The following ETFDH variants were observed in gnomAD, a reference collection of about 807,000 sequenced individuals.
The protein encoded by ETFDH is electron transfer flavoprotein-ubiquinone oxidoreductase, mitochondrial.
Under a neutral mutation model 73.2 loss-of-function variants are expected in ETFDH, and 61 were observed. The observed-to-expected ratio is 0.83, with a 90% confidence interval of 0.68 to 1.03. The LOEUF is 1.03. ETFDH is among the 50% of genes least tolerant of loss of function. The probability of loss-of-function intolerance (pLI) is 0.00; values close to 1 mark genes in which losing one functional copy is unlikely to be tolerated. For synonymous variants in ETFDH, 243 were observed against 253.3 expected (o/e 0.96, Z 0.39); for missense variants, 685 against 745.0 (o/e 0.92, Z 0.94).
intron 1 of ETFDH, among the ~76,000 whole-genome samples, chr4:158,677,974 C>CT (rs1773753539): frequency 6.6e-6 from 1 of 152,156 alleles, no homozygotes; most frequent in African/African-American, 2.4e-5. Flanking sequence ...AGGGTTTGAT[C>CT]TTTCTTGAGT....
At chr4:158,692,887 A>T (rs1471250973) in intron 6 of ETFDH, among the ~76,000 whole-genome samples, 1 of 89,398 alleles carries the variant, frequency 1.1e-5, no homozygotes, top group Non-Finnish European at 2.7e-5. Context: ...AAAAAAAAAA[A>T]AACATATATA....
At chr4:158,694,904 C>T (rs564696713) in intron 6 of ETFDH, among the ~76,000 whole-genome samples, 4 of 152,246 alleles carry the variant, frequency 2.6e-5, no homozygotes, top group African/African-American at 9.6e-5. Flanking sequence ...TAGACTGGCT[C>T]CATGACCCTC....
chr4:158,681,592 C>T (rs192891827), intron 2 of ETFDH: 288 of 153,140 alleles, frequency 1.9e-3, no homozygotes, highest in Non-Finnish European at 3.2e-3. Context: ...GAACAGCTTC[C>T]AGTCCTGTAA....
intron 4 of ETFDH, 86 bp downstream of exon 4, chr4:158,684,759 C>T (rs1216772188): frequency 1.2e-6 from 1 of 832,640 alleles, no homozygotes. Flanking sequence ...CCTCCTTTTA[C>T]AGACAAGAAC....
intron 1 of ETFDH, among the ~76,000 whole-genome samples, chr4:158,678,653 C>CTTTT (rs11438999): frequency 7.1e-6 from 1 of 140,318 alleles, no homozygotes; most frequent in Non-Finnish European, 1.5e-5. Context: ...ATATCACCAT[C>CTTTT]TTTTTTTTTT....
At chr4:158,701,566 C>A (rs1774463119) in intron 9 of ETFDH, among the ~76,000 whole-genome samples, 1 of 152,218 alleles carries the variant, frequency 6.6e-6, no homozygotes, top group African/African-American at 2.4e-5. Flanking sequence ...ACTATTCCCT[C>A]ACAGAATTGT....
In ETFDH at chr4:158,706,574, G is replaced by T. The variant is rs1005695473; in HGVS notation, c.1469-55G>T. 111 of 1,453,420 alleles carry T rather than the reference G, an allele frequency of 7.6e-5. No individual in the cohort carries two copies. The African/African-American group carries it at 1.3e-3, about 18-fold the overall frequency. The allele number at this position is 1,453,420 out of a possible 1,614,324, so 90.0% of individuals were successfully genotyped here. A position where few individuals can be genotyped will look rare whatever the true frequency, so the allele number is the denominator to read the frequency against. On this transcript the variant is annotated intron_variant, in intron 11 of 12. Transcript: ENST00000511912. ...GAAGTTTTTATACAAATAGGCTTAA[G>T]AAAAAGTACTTCAAAATCATATTTT...
chr4:158,685,073 G>C (rs1234131429), intron 4 of ETFDH, 28 bp from the exon 5 acceptor site: 1 of 1,303,576 alleles, frequency 7.7e-7, no homozygotes. Flanking sequence ...TAAAAAGTCA[G>C]ATTTATAAAT....
In ETFDH at chr4:158,701,393, G is replaced by C. The variant is rs190092011; in HGVS notation, c.1117-2030G>C. Among the ~76,000 whole-genome samples, 3 of 152,274 alleles carry C rather than the reference G, an allele frequency of 2.0e-5. No homozygotes were observed. The East Asian group carries it at 5.8e-4, about 29-fold the overall frequency. On this transcript the variant is annotated intron_variant, in intron 9 of 12. Transcript: ENST00000511912. ...GCACCTCCTCCCCATTGTCTGCTCT[G>C]TGGTCCTGATTTAATGCTCTTTTAT...
intron 9 of ETFDH, 45 bp from the exon 10 acceptor site, chr4:158,703,378 T>C (rs769739000): frequency 1.5e-6 from 2 of 1,366,070 alleles, no homozygotes; most frequent in Middle Eastern, 1.8e-4. Flanking sequence ...GTTGTTCTTG[T>C]TTAATATGAA....
At chr4:158,706,594 T>G in intron 11 of ETFDH, 35 bp from the exon 12 acceptor site, 1 of 1,537,796 alleles carries the variant, frequency 6.5e-7, no homozygotes, top group Non-Finnish European at 9.0e-7. Context: ...TTCAAAATCA[T>G]ATTTTGTTAA....
chr4:158,696,032 G>A (rs895019000), intron 7 of ETFDH, among the ~76,000 whole-genome samples: 21 of 152,060 alleles, frequency 1.4e-4, no homozygotes, highest in African/African-American at 4.8e-4. Context: ...ATTGTAATGT[G>A]AAGTTAATTT....
At chr4:158,695,412 A>G in intron 6 of ETFDH, 85 bp from the exon 7 acceptor site, 1 of 1,048,914 alleles carries the variant, frequency 9.5e-7, no homozygotes, top group Non-Finnish European at 1.5e-6. Context: ...CTACATCTGA[A>G]TCATAGTTCA....
chr4:158,685,011 A>G, intron 4 of ETFDH, 90 bp from the exon 5 acceptor site: 2 of 796,594 alleles, frequency 2.5e-6, no homozygotes, highest in Non-Finnish European at 4.3e-6. Context: ...ATGTAGAAAT[A>G]CATATTGATT....
chr4:158,681,761 T>C, intron 2 of ETFDH: 1 of 230,272 alleles, frequency 4.3e-6, no homozygotes, highest in Non-Finnish European at 8.6e-6. Context: ...GCTATATAGC[T>C]TTGTAGCCTA....
At chr4:158,681,615 G>A (rs1233990260) in intron 2 of ETFDH, 1 of 153,506 alleles carries the variant, frequency 6.5e-6, no homozygotes, top group Non-Finnish European at 1.4e-5. Context: ...TCTATTCATG[G>A]TAAGTACCCT....
In ETFDH at chr4:158,706,815, T is replaced by C. The variant is rs1034902170; in HGVS notation, c.1655T>C (p.Ile552Thr). 1 of 1,613,096 alleles carries C rather than the reference T, an allele frequency of 6.2e-7. No individual in the cohort carries two copies. Among genetic ancestry groups the C allele is most frequent in the South Asian group, 1.1e-5 (1 of 91,074 alleles). ...ATACCTGTAAATAGAAATCTGTCGA[T>C]ATATGATGGGCCCGAGCAGCGATTC... ...DSIPVNRNLSIYDGPEQRFCP... is the reference protein window; with the variant it reads ...DSIPVNRNLSTYDGPEQRFCP... Residue 552 changes from isoleucine to threonine, a missense_variant, in exon 12 of 13, where the codon ATA becomes ACA. Ile to Thr is a moderately conservative substitution (Grantham distance 89). This residue lies in a region of ETFDH where 201 missense variants were observed against 225.2 expected (regional missense o/e 0.89). Transcript: ENST00000511912.
intron 9 of ETFDH, among the ~76,000 whole-genome samples, chr4:158,702,860 G>A (rs1360591327): frequency 6.6e-6 from 1 of 152,076 alleles, no homozygotes; most frequent in Non-Finnish European, 1.5e-5. Flanking sequence ...GGTCATATGG[G>A]TAGTTCTATT....
At chr4:158,689,419 C>CA (rs1045581157) in intron 5 of ETFDH, among the ~76,000 whole-genome samples, 3 of 151,426 alleles carry the variant, frequency 2.0e-5, no homozygotes, top group African/African-American at 7.3e-5. Flanking sequence ...CATACATGAA[C>CA]ACTTATAGTC....
Sources: gnomAD v4.1 joint callset for allele counts (sites outside exome capture counted in the v4.1 genomes callset) on GRCh38, gnomAD v4.1.1 for gene constraint, gnomAD v4.1.1 regional missense constraint, MANE v1.5 for transcripts, NCBI Gene and HGNC (gene_info 2026-07-23, HGNC 2026-07-21) for gene names.